TMEM200A: variants seen among roughly 807,000 people sequenced by gnomAD.
TMEM200A encodes transmembrane protein 200A.
TMEM200A carries 12 observed loss-of-function variants against 24.3 expected under a neutral mutation model. The ratio of observed to expected loss-of-function variants is 0.49; its 90% CI spans 0.32 to 0.80. The LOEUF is 0.80. TMEM200A is among the 30% of genes least tolerant of loss of function. The pLI, the probability that TMEM200A is intolerant of heterozygous loss-of-function variation, is 0.04. For missense variants in TMEM200A, 545 were observed against 614.4 expected, an observed-to-expected ratio of 0.89 and a Z score of 1.19; for synonymous variants, 224 against 224.4, an observed-to-expected ratio of 1.00 and a Z score of 0.02.
Position 130,441,072 on chromosome 6 carries a change from G to A in TMEM200A, c.650G>A (p.Arg217Gln), listed in dbSNP as rs201700503. Residue 217 changes from arginine (R) to glutamine (Q), a missense_variant, in exon 3 of 3, where the codon CGG becomes CAG. Physicochemically the swap from Arg to Gln is conservative, Grantham distance 43. Transcript: ENST00000296978. Reference sequence around the variant, plus strand: ...ACGATCGCCTCTTTCTCGGGTTTTCGGAGCAGTTTTCGAATGGACAGCTCC... The same window carrying A: ...ACGATCGCCTCTTTCTCGGGTTTTCAGAGCAGTTTTCGAATGGACAGCTCC... ...ANTIASFSGF[R>Q]SSFRMDSSVE... 77 of 1,613,824 alleles carry A rather than the reference G, an allele frequency of 4.8e-5. No individual in the cohort carries two copies. The highest frequency in any genetic ancestry group is 7.7e-5 in the South Asian group (7 of 91,064).
intron 2 of TMEM200A, among the ~76,000 whole-genome samples, chr6:130,400,837 T>G (rs184776794): frequency 2.0e-5 from 3 of 152,204 alleles, no homozygotes; most frequent in African/African-American, 7.2e-5. Flanking sequence ...GACTCTATTC[T>G]AGGGTTCCAA....
rs117781281 is a variant in TMEM200A, at chr6:130,411,788, C to T, written c.-17+26552C>T. Among the ~76,000 whole-genome samples the T allele has an allele frequency of 4.1e-4, 62 of 152,282 alleles. No homozygotes were observed. The East Asian group carries it at 0.011, about 27-fold the overall frequency. On this transcript the variant is annotated intron_variant, in intron 2 of 2. Transcript: ENST00000296978. ...TGTTGGTTACTGCATTTCAGTTTGT[C>T]CCATGATAATGATGTTCACTTTGGT... is the stretch of plus-strand genomic sequence containing the variant.
intron 1 of TMEM200A, among the ~76,000 whole-genome samples, chr6:130,374,365 G>A (rs1374770508): frequency 6.6e-6 from 1 of 151,688 alleles, no homozygotes; most frequent in African/African-American, 2.4e-5. Context: ...ACAAAGTTTT[G>A]CTGGGAGGTG....
chr6:130,426,889 C>T (rs1779757272), intron 2 of TMEM200A, among the ~76,000 whole-genome samples: 1 of 152,214 alleles, frequency 6.6e-6, no homozygotes, highest in Admixed American at 6.5e-5. Flanking sequence ...ATCCTCTATT[C>T]TACTTTACAC....
intron 2 of TMEM200A, among the ~76,000 whole-genome samples, chr6:130,430,303 AC>A (rs1415762260): frequency 6.6e-6 from 1 of 151,796 alleles, no homozygotes; most frequent in East Asian, 1.9e-4. Flanking sequence ...GGATCTAATC[AC>A]CCCCAAAGGC....
At chr6:130,403,995 G>C (rs1779148613) in intron 2 of TMEM200A, among the ~76,000 whole-genome samples, 1 of 152,150 alleles carries the variant, frequency 6.6e-6, no homozygotes, top group Admixed American at 6.6e-5. Context: ...CCCTGCAAAG[G>C]ATGTGATCCT....
chr6:130,410,573 A>C (rs1331653339), intron 2 of TMEM200A, among the ~76,000 whole-genome samples: 1 of 152,204 alleles, frequency 6.6e-6, no homozygotes, highest in Non-Finnish European at 1.5e-5. Flanking sequence ...ATATGGTATC[A>C]TAATTTTGTA....
At position 130,393,669 on chromosome 6, in the gene TMEM200A, C is replaced by T. The variant is rs17058891; in HGVS notation, c.-17+8433C>T. Among the ~76,000 whole-genome samples, 874 of 152,276 alleles carry T rather than the reference C, an allele frequency of 5.7e-3. 6 individuals are homozygous for T. Among genetic ancestry groups the T allele is most frequent in the African/African-American group, 0.02 (827 of 41,554 alleles). On this transcript the variant is annotated intron_variant, in intron 2 of 2. Transcript: ENST00000296978. ...TTAGTTTGCTGCTAAAAACAATAGT[C>T]TGAAGAGTCCTTTTTTCAAGATTAT...
chr6:130,431,122 C>T (rs1197579332), intron 2 of TMEM200A, among the ~76,000 whole-genome samples: 2 of 152,136 alleles, frequency 1.3e-5, no homozygotes, highest in Non-Finnish European at 1.5e-5. Context: ...TTTAATAGTA[C>T]ATGGAACGAC....
intron 1 of TMEM200A, among the ~76,000 whole-genome samples, chr6:130,377,924 A>G (rs962661054): frequency 6.6e-6 from 1 of 152,188 alleles, no homozygotes; most frequent in Non-Finnish European, 1.5e-5. Flanking sequence ...CCTCTCTGAT[A>G]AGGTCTGACA....
intron 2 of TMEM200A, among the ~76,000 whole-genome samples, chr6:130,397,890 A>T (rs1305541325): frequency 6.6e-6 from 1 of 151,426 alleles, no homozygotes; most frequent in Non-Finnish European, 1.5e-5. Context: ...TAATTATTTT[A>T]AAATATAGTA....
chr6:130,367,149 T>C (rs966355273), intron 1 of TMEM200A, among the ~76,000 whole-genome samples: 2 of 152,232 alleles, frequency 1.3e-5, no homozygotes, highest in Admixed American at 1.3e-4. Flanking sequence ...GTGTGTTTTT[T>C]TTAAATAACA....
At chr6:130,375,993 T>C (rs928286229) in intron 1 of TMEM200A, among the ~76,000 whole-genome samples, 1 of 151,648 alleles carries the variant, frequency 6.6e-6, no homozygotes, top group African/African-American at 2.4e-5. Context: ...ATAACGTAAA[T>C]ATATTTAATA....
intron 2 of TMEM200A, among the ~76,000 whole-genome samples, chr6:130,436,141 GA>G (rs1275510984): frequency 1.4e-4 from 21 of 152,168 alleles, no homozygotes; most frequent in Non-Finnish European, 7.4e-5. Context: ...TCTCAAATGG[GA>G]GGCTCTGGGG....
chr6:130,436,662 T>TTTTTTTTTTTTTTTC (rs1408022765), intron 2 of TMEM200A, among the ~76,000 whole-genome samples: 1 of 128,284 alleles, frequency 7.8e-6, no homozygotes, highest in Non-Finnish European at 1.6e-5. Flanking sequence ...TTTTTTTTTT[T>TTTTTTTTTTTTTTTC]CAGAGAGACA....
In TMEM200A at chr6:130,440,956, A is replaced by G; in HGVS notation, c.534A>G (p.Gln178=). Residue 178 remains glutamine (Q), a synonymous_variant, in exon 3 of 3, where the codon CAA becomes CAG. Transcript: ENST00000296978. ...IDIHTLRIKE[Q]RQMNGMYTGL... is the part of the protein sequence containing the mutation. Reference sequence around the variant, plus strand: ...TTCACACGCTAAGAATCAAGGAGCAAAGGCAAATGAACGGCATGTACACTG... The same window carrying G: ...TTCACACGCTAAGAATCAAGGAGCAGAGGCAAATGAACGGCATGTACACTG... 1 of 1,614,122 alleles carries G rather than the reference A, an allele frequency of 6.2e-7. No homozygotes were observed. The highest frequency in any genetic ancestry group is 2.2e-5 in the East Asian group (1 of 44,824).
At chr6:130,392,001 C>CTT (rs1209259772) in intron 2 of TMEM200A, among the ~76,000 whole-genome samples, 14 of 152,128 alleles carry the variant, frequency 9.2e-5, no homozygotes, top group African/African-American at 2.7e-4. Context: ...CCTTGGCCTC[C>CTT]CAAAGTGCTG....
chr6:130,391,044 C>A (rs144098297), intron 2 of TMEM200A, among the ~76,000 whole-genome samples: 1 of 152,152 alleles, frequency 6.6e-6, no homozygotes, highest in Admixed American at 6.5e-5. Flanking sequence ...AAAAATGCCT[C>A]GGAATGAGCA....
At chr6:130,399,751 A>G (rs1156336356) in intron 2 of TMEM200A, among the ~76,000 whole-genome samples, 2 of 150,402 alleles carry the variant, frequency 1.3e-5, no homozygotes, top group Admixed American at 6.6e-5. Context: ...AGTTCTTTAT[A>G]GTGGTGATTT....
Sources: gnomAD v4.1 joint callset for allele counts (sites outside exome capture counted in the v4.1 genomes callset) on GRCh38, gnomAD v4.1.1 for gene constraint, MANE v1.5 for transcripts, NCBI Gene and HGNC (gene_info 2026-07-23, HGNC 2026-07-21) for gene names.